The following PTPRM variants were observed in gnomAD, a reference collection of about 807,000 sequenced individuals.
PTPRM encodes the protein protein tyrosine phosphatase receptor type M.
PTPRM carries 47 observed loss-of-function variants against 186.7 expected under a neutral mutation model. That is an observed-to-expected ratio of 0.25 (90% CI 0.20 to 0.32). The LOEUF (loss-of-function observed/expected upper bound fraction) is 0.32. Ranked by LOEUF, PTPRM falls within the 10% of genes least tolerant of loss-of-function variation. PTPRM has a pLI of 1.00. For synonymous variants in PTPRM, 668 were observed against 674.9 expected, an observed-to-expected ratio of 0.99 and a Z score of 0.16; for missense variants, 1,494 against 1,865.0, an observed-to-expected ratio of 0.80 and a Z score of 3.66.
intron 1 of PTPRM, among the ~76,000 whole-genome samples, chr18:7,645,039 G>A (rs777609694): frequency 1.1e-4 from 17 of 152,194 alleles, no homozygotes; most frequent in Non-Finnish European, 1.9e-4. Flanking sequence ...ACATAAAACT[G>A]TCATCTATTT....
intron 30 of PTPRM, among the ~76,000 whole-genome samples, chr18:8,385,029 T>TG (rs1431721765): frequency 6.6e-6 from 1 of 150,978 alleles, no homozygotes; most frequent in Non-Finnish European, 1.5e-5. Context: ...GCAGGCAGGG[T>TG]GGGGGTCAGT....
At chr18:8,354,854 G>A (rs1373378414) in intron 23 of PTPRM, among the ~76,000 whole-genome samples, 2 of 152,200 alleles carry the variant, frequency 1.3e-5, no homozygotes, top group African/African-American at 4.8e-5. Flanking sequence ...CTTGTTCTTG[G>A]AGCAGCGAGT....
At chr18:8,094,118 T>A (rs1332429576) in intron 11 of PTPRM, among the ~76,000 whole-genome samples, 2 of 152,186 alleles carry the variant, frequency 1.3e-5, no homozygotes, top group African/African-American at 4.8e-5. Context: ...AAAAAGTTTA[T>A]CCCTTTATAG....
intron 14 of PTPRM, 67 bp from the exon 15 acceptor site, chr18:8,243,991 A>G (rs555104098): frequency 1.4e-6 from 2 of 1,437,380 alleles, no homozygotes; most frequent in Non-Finnish European, 9.6e-7. Context: ...ACATCTGTCA[A>G]TATACATGCC....
chr18:8,383,122 A>AC (rs1315298578), intron 29 of PTPRM, among the ~76,000 whole-genome samples: 5 of 151,166 alleles, frequency 3.3e-5, no homozygotes, highest in African/African-American at 1.2e-4. Context: ...ACATGGTGAA[A>AC]CCCCCTCTCC....
At chr18:7,858,843 A>G (rs1180493836) in intron 2 of PTPRM, among the ~76,000 whole-genome samples, 2 of 152,196 alleles carry the variant, frequency 1.3e-5, no homozygotes, top group African/African-American at 2.4e-5. Context: ...TGTTGATACC[A>G]AGGATATCTA....
intron 5 of PTPRM, among the ~76,000 whole-genome samples, chr18:7,937,470 G>C (rs1378492275): frequency 6.6e-6 from 1 of 152,134 alleles, no homozygotes; most frequent in Admixed American, 6.5e-5. Flanking sequence ...TCCCATGCTC[G>C]CTCACTCACA....
At chr18:8,169,063 G>A (rs369780454) in intron 14 of PTPRM, among the ~76,000 whole-genome samples, 2 of 152,058 alleles carry the variant, frequency 1.3e-5, no homozygotes, top group East Asian at 1.9e-4. Flanking sequence ...ATCTTATCAC[G>A]CTCCTAGGAG....
chr18:8,072,705 C>G (rs1479832088), intron 8 of PTPRM, among the ~76,000 whole-genome samples: 2 of 151,688 alleles, frequency 1.3e-5, no homozygotes, highest in Non-Finnish European at 2.9e-5. Context: ...TTTTTTTCAT[C>G]AGAAATTGTG....
intron 13 of PTPRM, among the ~76,000 whole-genome samples, chr18:8,135,647 A>G (rs139460472): frequency 1.3e-4 from 20 of 152,352 alleles, no homozygotes; most frequent in Non-Finnish European, 2.5e-4. Flanking sequence ...TATTAAAGCC[A>G]TTTATTGTTT....
chr18:7,650,606 ACC>A (rs2038676835), intron 1 of PTPRM, among the ~76,000 whole-genome samples: 1 of 152,182 alleles, frequency 6.6e-6, no homozygotes, highest in South Asian at 2.1e-4. Context: ...CTGATCTGTG[ACC>A]AACCCTATAC....
chr18:7,851,095 GAGA>G (rs988196051), intron 2 of PTPRM, among the ~76,000 whole-genome samples: 3 of 152,174 alleles, frequency 2.0e-5, no homozygotes, highest in Non-Finnish European at 4.4e-5. Context: ...GTTGGTTTAA[GAGA>G]AGATTTTACA....
At chr18:8,363,043 A>G (rs1212606246) in intron 23 of PTPRM, among the ~76,000 whole-genome samples, 12 of 152,204 alleles carry the variant, frequency 7.9e-5, no homozygotes, top group African/African-American at 2.7e-4. Context: ...CATCCCCAGC[A>G]ATGCCCAGTC....
At chr18:7,673,928 A>C (rs556904754) in intron 1 of PTPRM, among the ~76,000 whole-genome samples, 78 of 152,278 alleles carry the variant, frequency 5.1e-4, no homozygotes, top group Non-Finnish European at 1.0e-3. Context: ...GTTGCAAGGC[A>C]CTGGGTAGAG....
intron 7 of PTPRM, among the ~76,000 whole-genome samples, chr18:7,989,969 T>G (rs2083176540): frequency 6.6e-6 from 1 of 152,212 alleles, no homozygotes; most frequent in South Asian, 2.1e-4. Context: ...AATGGCACGA[T>G]TTCGGCTCAC....
At chr18:8,083,087 T>C (rs116616713) in intron 9 of PTPRM, among the ~76,000 whole-genome samples, 5,213 of 152,214 alleles carry the variant, frequency 0.034, 185 homozygotes, top group African/African-American at 0.095. Flanking sequence ...ATTTTCTCCC[T>C]TGTGCTATAG....
chr18:7,677,963 T>C (rs1297653536), intron 1 of PTPRM, among the ~76,000 whole-genome samples: 1 of 152,168 alleles, frequency 6.6e-6, no homozygotes, highest in African/African-American at 2.4e-5. Context: ...AGACAGGATC[T>C]CTGTACTCCT....
intron 1 of PTPRM, among the ~76,000 whole-genome samples, chr18:7,766,500 T>C (rs551811398): frequency 6.6e-6 from 1 of 152,298 alleles, no homozygotes; most frequent in African/African-American, 2.4e-5. Flanking sequence ...GGAGTTACTA[T>C]GGGGCTGCAC....
chr18:7,816,269 T>C (rs1477462095), intron 2 of PTPRM, among the ~76,000 whole-genome samples: 1 of 152,208 alleles, frequency 6.6e-6, no homozygotes, highest in Admixed American at 6.5e-5. Context: ...AGCTAGAGTC[T>C]CAGAGTTCAT....
Sources: allele counts gnomAD v4.1 joint callset (sites outside exome capture counted in the v4.1 genomes callset), GRCh38; gene constraint gnomAD v4.1.1; transcripts MANE v1.5; gene names NCBI Gene and HGNC (gene_info 2026-07-23, HGNC 2026-07-21).